Variants in NCKAP5 observed in about 807,000 individuals in gnomAD.
NCKAP5 encodes NCK associated protein 5, also known as nck-associated protein 5.
Under a neutral mutation model 167.0 loss-of-function variants are expected in NCKAP5, and 92 were observed. The ratio of observed to expected loss-of-function variants is 0.55; its 90% CI spans 0.47 to 0.66. The LOEUF is 0.66. Among genes scored for constraint, NCKAP5 ranks in the 30% least tolerant of loss-of-function variants. NCKAP5 has a pLI of 0.00. For synonymous variants in NCKAP5, 891 were observed against 877.4 expected, an observed-to-expected ratio of 1.02 and a Z score of -0.27; for missense variants, 2,378 against 2,315.0, an observed-to-expected ratio of 1.03 and a Z score of -0.56.
the NCKAP5 span, among the ~76,000 whole-genome samples, chr2:133,652,903 ACAAGTC>A: frequency 1.3e-5 from 2 of 152,236 alleles, no homozygotes; most frequent in African/African-American, 4.8e-5. Context: ...AGATCGATTG[ACAAGTC>A]CACCTCAAAT....
chr2:132,687,699 G>A (rs1211480753), intron 19 of NCKAP5, among the ~76,000 whole-genome samples: 1 of 130,928 alleles, frequency 7.6e-6, no homozygotes, highest in South Asian at 2.5e-4. Context: ...TGCTAAGCAC[G>A]GACACCTACC....
chr2:133,397,332 T>C (rs1687794899), intron 3 of NCKAP5, among the ~76,000 whole-genome samples: 3 of 152,206 alleles, frequency 2.0e-5, no homozygotes, highest in African/African-American at 7.2e-5. Context: ...GATCGCAAGC[T>C]CTTGGAATGG....
chr2:133,131,453 C>G (rs1462185940), intron 5 of NCKAP5, among the ~76,000 whole-genome samples: 1 of 152,182 alleles, frequency 6.6e-6, no homozygotes, highest in African/African-American at 2.4e-5. Context: ...GTGAATTTAT[C>G]ATAATTCTCC....
At chr2:133,530,976 A>T (rs1453268573) in intron 2 of NCKAP5, among the ~76,000 whole-genome samples, 8 of 152,206 alleles carry the variant, frequency 5.3e-5, no homozygotes, top group African/African-American at 1.9e-4. Context: ...GAACAACAAA[A>T]GAAATACACA....
At chr2:132,837,950 AGAGGTG>A (rs1350013509) in intron 11 of NCKAP5, among the ~76,000 whole-genome samples, 1 of 152,124 alleles carries the variant, frequency 6.6e-6, no homozygotes. Flanking sequence ...GCTGGACAGA[AGAGGTG>A]GAGGTGGGGA....
chr2:133,322,735 T>A (rs369846820), intron 3 of NCKAP5, among the ~76,000 whole-genome samples: 12 of 152,298 alleles, frequency 7.9e-5, no homozygotes, highest in East Asian at 5.8e-4. Context: ...GGACCTTGAG[T>A]ACTTTGGGTC....
At chr2:133,303,404 C>A (rs1252210837) in intron 3 of NCKAP5, among the ~76,000 whole-genome samples, 1 of 152,138 alleles carries the variant, frequency 6.6e-6, no homozygotes, top group East Asian at 1.9e-4. Flanking sequence ...AAACTGGAGT[C>A]TGTGTTCTAC....
chr2:132,908,507 C>G (rs919285777), intron 8 of NCKAP5, among the ~76,000 whole-genome samples: 1 of 152,214 alleles, frequency 6.6e-6, no homozygotes, highest in Admixed American at 6.5e-5. Context: ...ACTGTCTTAG[C>G]TTTTAGCATA....
At chr2:132,941,821 T>TA (rs1697321386) in intron 8 of NCKAP5, among the ~76,000 whole-genome samples, 3 of 152,170 alleles carry the variant, frequency 2.0e-5, no homozygotes, top group Admixed American at 6.6e-5. Flanking sequence ...ATTTTCTGGT[T>TA]AAAAAAATAA....
At chr2:132,806,218 A>T (rs1685425404) in intron 11 of NCKAP5, among the ~76,000 whole-genome samples, 1 of 152,162 alleles carries the variant, frequency 6.6e-6, no homozygotes, top group African/African-American at 2.4e-5. Context: ...GCAATTGCGA[A>T]CTGTGCTGCT....
At chr2:132,892,357 G>C (rs532544071) in intron 8 of NCKAP5, among the ~76,000 whole-genome samples, 1 of 152,284 alleles carries the variant, frequency 6.6e-6, no homozygotes, top group South Asian at 2.1e-4. Context: ...AATTATGAGA[G>C]AAGCTGAAAT....
At chr2:133,004,902 C>G (rs2077910465) in intron 6 of NCKAP5, among the ~76,000 whole-genome samples, 1 of 152,174 alleles carries the variant, frequency 6.6e-6, no homozygotes, top group South Asian at 2.1e-4. Flanking sequence ...AGGGTTATTC[C>G]TTGCTGGGAA....
At chr2:132,913,648 A>G (rs1439639931) in intron 8 of NCKAP5, among the ~76,000 whole-genome samples, 2 of 152,132 alleles carry the variant, frequency 1.3e-5, no homozygotes, top group Non-Finnish European at 2.9e-5. Context: ...GCTGATAAAG[A>G]GTATTGACTG....
intron 11 of NCKAP5, among the ~76,000 whole-genome samples, chr2:132,851,176 T>G (rs1689049239): frequency 6.6e-6 from 1 of 152,158 alleles, no homozygotes; most frequent in South Asian, 2.1e-4. Context: ...ACAGGAGACT[T>G]GGTAACATTT....
chr2:133,630,263 G>C, the NCKAP5 span, among the ~76,000 whole-genome samples: 2 of 152,264 alleles, frequency 1.3e-5, no homozygotes, highest in African/African-American at 4.8e-5. Context: ...GAAATCTATA[G>C]AGACAGAAAG....
At chr2:133,202,173 G>C (rs2085723891) in intron 5 of NCKAP5, among the ~76,000 whole-genome samples, 1 of 152,064 alleles carries the variant, frequency 6.6e-6, no homozygotes, top group South Asian at 2.1e-4. Flanking sequence ...GCATGGTACT[G>C]GTACCACAAC....
At chr2:133,365,339 C>T (rs756048593) in intron 3 of NCKAP5, among the ~76,000 whole-genome samples, 2 of 152,148 alleles carry the variant, frequency 1.3e-5, no homozygotes, top group African/African-American at 2.4e-5. Flanking sequence ...TAGAAATGAA[C>T]TTTTGGTGTA....
chr2:133,250,118 A>G (rs540379567), intron 4 of NCKAP5, among the ~76,000 whole-genome samples: 1 of 151,952 alleles, frequency 6.6e-6, no homozygotes, highest in East Asian at 1.9e-4. Flanking sequence ...ACATCAGGGA[A>G]GGAATGCCAG....
At chr2:133,295,088 G>T (rs1679870936) in intron 4 of NCKAP5, among the ~76,000 whole-genome samples, 1 of 152,100 alleles carries the variant, frequency 6.6e-6, no homozygotes, top group Admixed American at 6.6e-5. Flanking sequence ...AATTAGTGAG[G>T]AACTTGGGAT....
Sources: gnomAD v4.1 joint callset for allele counts (sites outside exome capture counted in the v4.1 genomes callset) on GRCh38, gnomAD v4.1.1 for gene constraint, MANE v1.5 for transcripts, NCBI Gene and HGNC (gene_info 2026-07-23, HGNC 2026-07-21) for gene names.